Variants in SMC4 observed in about 807,000 individuals in gnomAD.
The protein encoded by SMC4 is structural maintenance of chromosomes protein 4.
Under a neutral mutation model 145.6 loss-of-function variants are expected in SMC4, and 87 were observed. The ratio of observed to expected loss-of-function variants is 0.60; its 90% CI spans 0.50 to 0.71. The LOEUF (loss-of-function observed/expected upper bound fraction) is 0.71. SMC4 is among the 30% of genes least tolerant of loss of function. SMC4 has a pLI of 0.00. For synonymous variants in SMC4, 558 were observed against 500.7 expected, an observed-to-expected ratio of 1.11 and a Z score of -1.53; for missense variants, 1,447 against 1,537.1, an observed-to-expected ratio of 0.94 and a Z score of 0.98.
intron 7 of SMC4, among the ~76,000 whole-genome samples, 181 bp from the exon 8 acceptor site, chr3:160,413,292 C>T (rs776505972): frequency 2.0e-5 from 3 of 151,968 alleles, no homozygotes; most frequent in African/African-American, 7.3e-5. Flanking sequence ...ACAATGAAAT[C>T]GATTTTTGTT....
rs1474660768 is a variant in SMC4 at position 160,433,056 on chromosome 3, G to T, written c.3561G>T (p.Lys1187Asn). 2 of 1,613,148 alleles carry T rather than the reference G, an allele frequency of 1.2e-6. No homozygotes were observed. Among genetic ancestry groups the T allele is most frequent in the Non-Finnish European group, 1.7e-6 (2 of 1,179,514 alleles). ...GACCACCTAAGAAAAGTTGGAAAAA[G>T]ATCTTCAACCTTTCGGGAGGAGAGA... ...SVRPPKKSWK[K>N]IFNLSGGEKT... Residue 1187 changes from lysine (K) to asparagine (N), a missense_variant, in exon 23 of 24, where the codon AAG becomes AAT. Physicochemically the swap from Lys to Asn is moderately conservative, Grantham distance 94. Transcript: ENST00000357388.
At chr3:160,405,319 GA>G (rs34753335) in intron 5 of SMC4, among the ~76,000 whole-genome samples, 30 of 148,216 alleles carry the variant, frequency 2.0e-4, no homozygotes, top group Admixed American at 4.0e-4. Flanking sequence ...GAATTTTTCG[GA>G]AAAAAAAAAA....
At chr3:160,415,342 G>T (rs544619110) in intron 9 of SMC4, among the ~76,000 whole-genome samples, 12 of 152,306 alleles carry the variant, frequency 7.9e-5, no homozygotes, top group African/African-American at 2.6e-4. Flanking sequence ...CAGCCTGGGT[G>T]ACAAAGTGAG....
intron 9 of SMC4, 76 bp from the exon 10 acceptor site, chr3:160,416,175 C>T: frequency 9.3e-7 from 1 of 1,080,070 alleles, no homozygotes; most frequent in Non-Finnish European, 1.3e-6. Flanking sequence ...TGAGAAATGC[C>T]TTTAAATATG....
chr3:160,428,655 C>T, intron 17 of SMC4, 98 bp from the exon 18 acceptor site: 7 of 1,085,380 alleles, frequency 6.4e-6, no homozygotes, highest in Non-Finnish European at 7.8e-6. Flanking sequence ...TGTTTTAATG[C>T]ATCACGTCAA....
chr3:160,401,701 T>C (rs1041660170), intron 2 of SMC4, among the ~76,000 whole-genome samples: 1 of 152,234 alleles, frequency 6.6e-6, no homozygotes, highest in African/African-American at 2.4e-5. Flanking sequence ...AGAATTTCTT[T>C]TTTAGTAAAA....
Position 160,400,245 on chromosome 3 carries a change from C to G in SMC4, c.-6+496C>G, listed in dbSNP as rs186462774. ...GTCCCAGCCTTCGCCCTTCGCGGTCCGACCGCTGAGAGGAGGGAGACTTCG... is the reference window on the plus strand; with the variant it reads ...GTCCCAGCCTTCGCCCTTCGCGGTCGGACCGCTGAGAGGAGGGAGACTTCG... On this transcript the variant is annotated intron_variant, in intron 1 of 23. Coordinates refer to ENST00000357388, the MANE Select transcript of SMC4 (RefSeq NM_001002800.3). The G allele has an allele frequency of 7.9e-5, 12 of 152,440 alleles. No individual in the cohort carries two copies. In the East Asian group the frequency reaches 1.9e-3, roughly 25 times the overall value. The allele number at this position is 152,440 out of a possible 1,614,324, so 9.4% of individuals were successfully genotyped here.
intron 5 of SMC4, among the ~76,000 whole-genome samples, chr3:160,409,299 A>G (rs1715717684): frequency 6.9e-6 from 1 of 144,216 alleles, no homozygotes; most frequent in Non-Finnish European, 1.5e-5. Context: ...AAAAGACTGA[A>G]TGTTATACAG....
rs879671027 is a variant in SMC4 at position 160,434,642 on chromosome 3, G to A, written c.*833G>A. The A allele has an allele frequency of 3.9e-5, 6 of 152,184 alleles. No individual in the cohort carries two copies. Among genetic ancestry groups the A allele is most frequent in the Non-Finnish European group, 7.3e-5 (5 of 68,034 alleles). The allele number at this position is 152,184 out of a possible 1,614,324, so 9.4% of individuals were successfully genotyped here. ...ATAAGTGGAAAGTAAGATACCTTGA[G>A]TAATGTTTGCCTATAAAATTGTCAG... On this transcript the variant is annotated 3_prime_UTR_variant, in exon 24 of 24. Transcript: ENST00000357388.
rs528932387 is a variant in SMC4, at chr3:160,409,948, C to T, written c.688-1972C>T. On this transcript the variant is annotated intron_variant, in intron 5 of 23. Coordinates refer to ENST00000357388, the MANE Select transcript of SMC4 (RefSeq NM_001002800.3). ...AAGATTAGCTGGGTGTGGTGGTGTG[C>T]ATCTGTAGTCCCGGCTACTTGGGAC... Among the ~76,000 whole-genome samples, 18 of 152,132 alleles carry T rather than the reference C, an allele frequency of 1.2e-4. No individual in the cohort carries two copies. The South Asian group carries it at 3.5e-3, about 30-fold the overall frequency.
chr3:160,416,211 A>C (rs914777016), intron 9 of SMC4, 40 bp from the exon 10 acceptor site: 2 of 1,436,790 alleles, frequency 1.4e-6, no homozygotes, highest in Admixed American at 2.2e-5. Flanking sequence ...ATTGGGTAAC[A>C]TAAAGATGTA....
In SMC4 at chr3:160,407,439, C is replaced by T. The variant is rs1337962622; in HGVS notation, c.687+2935C>T. Among the ~76,000 whole-genome samples the T allele has an allele frequency of 7.2e-5, 11 of 152,186 alleles. No homozygotes were observed. In the East Asian group the frequency reaches 2.1e-3, roughly 29 times the overall value. On this transcript the variant is annotated intron_variant, in intron 5 of 23. Coordinates refer to ENST00000357388, the MANE Select transcript of SMC4 (RefSeq NM_001002800.3). ...ATGGTGACACACCCCTATAGTCCCACCTACTCAGGAGGCTGAGGTGGGAGG... is the reference window on the plus strand; with the variant it reads ...ATGGTGACACACCCCTATAGTCCCATCTACTCAGGAGGCTGAGGTGGGAGG...
rs139469227 is a variant in SMC4 at position 160,419,208 on chromosome 3, A to G, written c.1672-150A>G. 460 of 522,596 alleles carry G rather than the reference A, an allele frequency of 8.8e-4. 4 individuals are homozygous for G. Among genetic ancestry groups the G allele is most frequent in the African/African-American group, 7.7e-3 (389 of 50,828 alleles). 32.4% of individuals were successfully genotyped at this position (522,596 alleles called of 1,614,324 possible). On this transcript the variant is annotated intron_variant, in intron 11 of 23. Coordinates refer to ENST00000357388, the MANE Select transcript of SMC4 (RefSeq NM_001002800.3). ...CATATTTTCCACAACCAAACCAGCAATTGCCATACAGGTGCTCAGTTTTGG... is the reference window on the plus strand; with the variant it reads ...CATATTTTCCACAACCAAACCAGCAGTTGCCATACAGGTGCTCAGTTTTGG...
rs1160781778 is a variant in SMC4 at position 160,401,936 on chromosome 3, A to G, written c.161A>G (p.Asp54Gly). ...TAAETASEEL[D>G]NRSLEEILNS... ...TTAGAGACTGCAAGTGAGGAACTTG[A>G]TAATAGAAGTTTAGAAGAGATTTTG... Residue 54 changes from aspartate to glycine, a missense_variant, in exon 3 of 24, where the codon GAT becomes GGT. Transcript: ENST00000357388. The G allele has an allele frequency of 2.5e-6, 4 of 1,602,286 alleles. No individual in the cohort carries two copies. The highest frequency in any genetic ancestry group is 3.4e-5 in the Admixed American group (2 of 57,978).
chr3:160,418,090 G>T (rs1716778149), intron 11 of SMC4, 134 bp downstream of exon 11: 2 of 713,126 alleles, frequency 2.8e-6, no homozygotes, highest in Admixed American at 5.6e-5. Context: ...AAAAGAATGA[G>T]GTCAGCATTT....
intron 3 of SMC4, 65 bp downstream of exon 3, chr3:160,402,158 A>G: frequency 1.8e-6 from 2 of 1,083,268 alleles, no homozygotes; most frequent in South Asian, 3.9e-5. Flanking sequence ...ATACGTTTTT[A>G]CAAGATGTTT....
At chr3:160,429,356 T>C (rs1718128399) in intron 18 of SMC4, among the ~76,000 whole-genome samples, 1 of 152,236 alleles carries the variant, frequency 6.6e-6, no homozygotes, top group African/African-American at 2.4e-5. Flanking sequence ...TTTATTTTTA[T>C]TTTTTGATAC....
intron 5 of SMC4, among the ~76,000 whole-genome samples, chr3:160,409,999 C>T (rs1445044724): frequency 2.0e-5 from 3 of 152,126 alleles, no homozygotes; most frequent in Non-Finnish European, 4.4e-5. Flanking sequence ...TCGCTTGAGT[C>T]TGAAAGGTCA....
chr3:160,432,700 C>T (rs958191202), intron 22 of SMC4, 185 bp downstream of exon 22: 7 of 534,852 alleles, frequency 1.3e-5, no homozygotes, highest in Non-Finnish European at 1.6e-5. Flanking sequence ...CCAGTATTTA[C>T]AAAATATTTG....
Sources: gnomAD v4.1 joint callset for allele counts (sites outside exome capture counted in the v4.1 genomes callset) on GRCh38, gnomAD v4.1.1 for gene constraint, MANE v1.5 for transcripts, NCBI Gene and HGNC (gene_info 2026-07-23, HGNC 2026-07-21) for gene names.